The following MARCHF1 variants were observed in gnomAD, a reference collection of about 807,000 sequenced individuals.
MARCHF1 encodes membrane associated ring-CH-type finger 1.
In MARCHF1, 40 loss-of-function variants were observed where a neutral mutation model predicts 54.2. That is an observed-to-expected ratio of 0.74 (90% CI 0.57 to 0.96). The LOEUF is 0.96. Ranked by LOEUF, MARCHF1 falls within the 40% of genes least tolerant of loss-of-function variation. MARCHF1 has a pLI of 0.00. For missense variants in MARCHF1, 586 were observed against 656.5 expected, an observed-to-expected ratio of 0.89 and a Z score of 1.17; for synonymous variants, 236 against 236.3, an observed-to-expected ratio of 1.00 and a Z score of 0.01.
rs1445590808 is a variant in MARCHF1 at position 164,147,370 on chromosome 4, G to A, written c.-322-35708C>T. Among the ~76,000 whole-genome samples the A allele has an allele frequency of 6.9e-3, 1,000 of 145,786 alleles. 12 individuals carry two copies. The highest frequency in any genetic ancestry group is 0.02 in the African/African-American group (757 of 37,070). On this transcript the variant is annotated intron_variant, in intron 1 of 9. Coordinates refer to ENST00000514618, the MANE Select transcript of MARCHF1 (RefSeq NM_001394959.1). ...ATCATGCTGCTATAAAGACACATGC[G>A]CACGTATGTTTATTGCAGCATTATT... is the stretch of plus-strand genomic sequence containing the variant.
At chr4:164,093,208 G>A (rs565840510) in intron 2 of MARCHF1, among the ~76,000 whole-genome samples, 1 of 152,158 alleles carries the variant, frequency 6.6e-6, no homozygotes, top group South Asian at 2.1e-4. Flanking sequence ...ATACCTTAAA[G>A]TGTGGTTTTT....
intron 4 of MARCHF1, among the ~76,000 whole-genome samples, chr4:163,796,993 T>C (rs1747936548): frequency 1.3e-5 from 2 of 152,260 alleles, no homozygotes; most frequent in South Asian, 4.1e-4. Context: ...ATTTCTTATA[T>C]CTCAAACCTT....
intron 1 of MARCHF1, among the ~76,000 whole-genome samples, chr4:164,140,129 T>C (rs1311090930): frequency 6.6e-6 from 1 of 151,482 alleles, no homozygotes; most frequent in African/African-American, 2.4e-5. Context: ...AGGTAAAACA[T>C]ACCCTTAGAT....
intron 2 of MARCHF1, among the ~76,000 whole-genome samples, chr4:164,091,138 C>A (rs1045034739): frequency 6.6e-6 from 1 of 151,944 alleles, no homozygotes; most frequent in African/African-American, 2.4e-5. Flanking sequence ...AATATCAGCT[C>A]TTAATAAAAT....
Position 164,048,797 on chromosome 4 carries a change from C to T in MARCHF1, c.-247-60088G>A, listed in dbSNP as rs72983664. On this transcript the variant is annotated intron_variant, in intron 2 of 9. Transcript: ENST00000514618. ...CATTAATTGGCAGAGTAAATTTTTTCATCTTCTTTTACTCAATAATCTCAT... is the reference window on the plus strand; with the variant it reads ...CATTAATTGGCAGAGTAAATTTTTTTATCTTCTTTTACTCAATAATCTCAT... 4.3e-3 allele frequency among the ~76,000 whole-genome samples: 662 copies of T among 152,190 alleles called. 9 individuals carry two copies. Among genetic ancestry groups the T allele is most frequent in the African/African-American group, 0.015 (643 of 41,532 alleles).
At chr4:164,199,818 T>C (rs1731404903) in intron 1 of MARCHF1, among the ~76,000 whole-genome samples, 1 of 152,184 alleles carries the variant, frequency 6.6e-6, no homozygotes, top group Non-Finnish European at 1.5e-5. Flanking sequence ...CCCCAGTGGC[T>C]TCCCAATATC....
At chr4:163,793,805 C>A (rs886572849) in intron 4 of MARCHF1, among the ~76,000 whole-genome samples, 1 of 152,136 alleles carries the variant, frequency 6.6e-6, no homozygotes, top group Non-Finnish European at 1.5e-5. Context: ...CAGTCACGTA[C>A]CCCCTGCTTG....
chr4:164,269,448 T>C (rs1733690127), intron 1 of MARCHF1, among the ~76,000 whole-genome samples: 1 of 152,166 alleles, frequency 6.6e-6, no homozygotes, highest in African/African-American at 2.4e-5. Context: ...CAAAACAGCT[T>C]GCATAGACTT....
chr4:163,952,708 T>C (rs571996342), intron 3 of MARCHF1, among the ~76,000 whole-genome samples: 2 of 152,258 alleles, frequency 1.3e-5, no homozygotes, highest in African/African-American at 2.4e-5. Context: ...AAGTCAATGG[T>C]ATATGAAAGA....
chr4:164,275,980 A>G (rs962433173), intron 1 of MARCHF1, among the ~76,000 whole-genome samples: 5 of 152,158 alleles, frequency 3.3e-5, no homozygotes, highest in African/African-American at 1.2e-4. Flanking sequence ...CAATATCTCT[A>G]TCTCAACTGG....
chr4:163,762,739 C>A (rs1250892198), intron 4 of MARCHF1, among the ~76,000 whole-genome samples: 1 of 151,960 alleles, frequency 6.6e-6, no homozygotes, highest in Non-Finnish European at 1.5e-5. Flanking sequence ...CATATGAAAT[C>A]TTGGTACACT....
At chr4:164,189,427 T>C (rs1460474291) in intron 1 of MARCHF1, 4 of 688,254 alleles carry the variant, frequency 5.8e-6, no homozygotes, top group Non-Finnish European at 8.0e-6. Flanking sequence ...AAATTCTGAT[T>C]TGAAGAATTC....
chr4:164,322,631 T>C (rs1228328302), intron 1 of MARCHF1, among the ~76,000 whole-genome samples: 1 of 152,118 alleles, frequency 6.6e-6, no homozygotes, highest in Non-Finnish European at 1.5e-5. Context: ...CCATTCTTCA[T>C]GATGTTCTTG....
chr4:163,552,816 G>A (rs1299310470), intron 8 of MARCHF1, among the ~76,000 whole-genome samples: 4 of 152,040 alleles, frequency 2.6e-5, no homozygotes, highest in African/African-American at 4.8e-5. Context: ...GGCAGATCAC[G>A]AGGTCAGGAG....
intron 4 of MARCHF1, among the ~76,000 whole-genome samples, chr4:163,801,225 TAGCTA>T (rs1748072695): frequency 6.6e-6 from 1 of 152,084 alleles, no homozygotes; most frequent in Non-Finnish European, 1.5e-5. Flanking sequence ...CTTTGTATCT[TAGCTA>T]TTCTTTTTAC....
intron 1 of MARCHF1, among the ~76,000 whole-genome samples, chr4:164,242,734 A>C (rs1322961183): frequency 6.6e-6 from 1 of 152,178 alleles, no homozygotes; most frequent in Non-Finnish European, 1.5e-5. Context: ...CTTTGAAAAA[A>C]ATTTAGAAGA....
intron 1 of MARCHF1, among the ~76,000 whole-genome samples, chr4:164,322,086 G>C (rs1452035052): frequency 2.0e-5 from 3 of 152,030 alleles, no homozygotes; most frequent in Admixed American, 2.0e-4. Flanking sequence ...TTTCAGATGA[G>C]TGTTGTAGGG....
At chr4:163,913,086 C>T (rs537853644) in intron 3 of MARCHF1, among the ~76,000 whole-genome samples, 1 of 152,240 alleles carries the variant, frequency 6.6e-6, no homozygotes, top group South Asian at 2.1e-4. Context: ...ATTTTTGAGA[C>T]ATTCAAAGTG....
chr4:163,739,427 C>T (rs902274291), intron 4 of MARCHF1, among the ~76,000 whole-genome samples: 5 of 152,114 alleles, frequency 3.3e-5, no homozygotes, highest in Non-Finnish European at 4.4e-5. Context: ...ATGATGAAAA[C>T]GACATCCCCG....
Sources: gnomAD v4.1 joint callset for allele counts (sites outside exome capture counted in the v4.1 genomes callset) on GRCh38, gnomAD v4.1.1 for gene constraint, MANE v1.5 for transcripts, NCBI Gene and HGNC (gene_info 2026-07-23, HGNC 2026-07-21) for gene names.